The following TESC variants were observed in gnomAD, a reference collection of about 807,000 sequenced individuals.
TESC encodes the protein calcineurin B homologous protein 3.
Under a neutral mutation model 31.0 loss-of-function variants are expected in TESC, and 19 were observed. The ratio of observed to expected loss-of-function variants is 0.61; its 90% CI spans 0.43 to 0.90. The LOEUF (loss-of-function observed/expected upper bound fraction) is 0.90, where lower values mean the gene tolerates loss of function less well. Ranked by LOEUF, TESC falls within the 40% of genes least tolerant of loss-of-function variation. TESC has a pLI of 0.00. For missense variants in TESC, 248 were observed against 303.8 expected (o/e 0.82, Z 1.36); for synonymous variants, 109 against 114.8 (o/e 0.95, Z 0.32).
intron 1 of TESC, among the ~76,000 whole-genome samples, chr12:117,085,438 C>T (rs953215243): frequency 1.3e-5 from 2 of 152,108 alleles, no homozygotes; most frequent in African/African-American, 4.8e-5. Context: ...GGTGGAAGGG[C>T]TCAGGGCAAG....
At chr12:117,040,586 G>A (rs2135742285) in intron 7 of TESC, among the ~76,000 whole-genome samples, 1 of 152,080 alleles carries the variant, frequency 6.6e-6, no homozygotes, top group South Asian at 2.1e-4. Context: ...TGCTCTGGCG[G>A]GCGTCACCTT....
intron 3 of TESC, among the ~76,000 whole-genome samples, chr12:117,049,688 G>A (rs1954619463): frequency 6.6e-6 from 1 of 152,054 alleles, no homozygotes; most frequent in Non-Finnish European, 1.5e-5. Context: ...ATCACCTGAG[G>A]TCAGGAGTTC....
intron 2 of TESC, among the ~76,000 whole-genome samples, chr12:117,057,804 C>T (rs139906045): frequency 1.1e-3 from 173 of 152,184 alleles, no homozygotes; most frequent in African/African-American, 3.9e-3. Flanking sequence ...CTCGCTCTGC[C>T]GCCCAGGCTG....
At chr12:117,094,934 T>G (rs567612016) in intron 1 of TESC, among the ~76,000 whole-genome samples, 54 of 149,152 alleles carry the variant, frequency 3.6e-4, no homozygotes, top group African/African-American at 1.3e-3. Flanking sequence ...GAGAATTGCT[T>G]GAACCCAGGA....
At chr12:117,040,090 C>T (rs1954459844) in intron 7 of TESC, among the ~76,000 whole-genome samples, 1 of 152,236 alleles carries the variant, frequency 6.6e-6, no homozygotes, top group Non-Finnish European at 1.5e-5. Context: ...GGGACAGCCA[C>T]GAGGCTGGTA....
chr12:117,042,213 A>T (rs531693430), intron 6 of TESC, among the ~76,000 whole-genome samples: 3 of 152,234 alleles, frequency 2.0e-5, no homozygotes, highest in Admixed American at 2.0e-4. Context: ...CATGGGCTTG[A>T]GGGTGGGATG....
chr12:117,061,257 C>T (rs866369814), intron 2 of TESC, among the ~76,000 whole-genome samples: 2 of 152,168 alleles, frequency 1.3e-5, no homozygotes, highest in Non-Finnish European at 2.9e-5. Context: ...CACTGCTGGG[C>T]TTGGCAAGGT....
At chr12:117,048,611 C>T (rs1187624920) in intron 4 of TESC, 4 of 425,716 alleles carry the variant, frequency 9.4e-6, no homozygotes, top group Admixed American at 2.5e-5. Flanking sequence ...CTTTAGGGAG[C>T]GCTTCCTGTG....
At chr12:117,092,203 G>A (rs1209911711) in intron 1 of TESC, among the ~76,000 whole-genome samples, 2 of 152,264 alleles carry the variant, frequency 1.3e-5, no homozygotes, top group Admixed American at 1.3e-4. Flanking sequence ...TTTAAGGAGC[G>A]GAACTGGTGG....
chr12:117,053,086 T>C (rs1298619727), intron 3 of TESC, among the ~76,000 whole-genome samples: 1 of 151,750 alleles, frequency 6.6e-6, no homozygotes, highest in African/African-American at 2.4e-5. Context: ...GCGCCTGGAG[T>C]CCCCCTGAGA....
chr12:117,092,884 C>A (rs990673577), intron 1 of TESC, among the ~76,000 whole-genome samples: 14 of 152,366 alleles, frequency 9.2e-5, no homozygotes, highest in African/African-American at 2.9e-4. Flanking sequence ...GAAAACACTT[C>A]ACTGTTCAGA....
intron 1 of TESC, among the ~76,000 whole-genome samples, chr12:117,088,716 T>C (rs1955257774): frequency 1.3e-5 from 2 of 151,346 alleles, no homozygotes; most frequent in South Asian, 2.1e-4. Context: ...CTTACTTCAG[T>C]AGGACACTTA....
chr12:117,086,272 T>G (rs1955218539), intron 1 of TESC, among the ~76,000 whole-genome samples: 1 of 152,160 alleles, frequency 6.6e-6, no homozygotes, highest in African/African-American at 2.4e-5. Flanking sequence ...ACTTTAATTT[T>G]TTTTTTTTTA....
intron 2 of TESC, among the ~76,000 whole-genome samples, chr12:117,064,775 G>C (rs1954850977): frequency 6.6e-6 from 1 of 152,186 alleles, no homozygotes; most frequent in Non-Finnish European, 1.5e-5. Context: ...TTTGAGCAGA[G>C]ACCTGAAGGA....
At position 117,075,350 on chromosome 12, in the gene TESC, G is replaced by A; in HGVS notation, c.59-10C>T. ...ATCTGATCCGATGAGACTGAGAAGT[G>A]GGGGAAAGAGAGAAAAACAAGACAG... On this transcript the variant is annotated splice_polypyrimidine_tract_variant and intron_variant, in intron 1 of 7. Coordinates refer to ENST00000335209, the MANE Select transcript of TESC (RefSeq NM_017899.4). 1 of 1,606,672 alleles carries A rather than the reference G, an allele frequency of 6.2e-7. No homozygotes were observed. The highest frequency in any genetic ancestry group is 1.3e-5 in the African/African-American group (1 of 74,936).
At chr12:117,041,214 T>C (rs59756806) in intron 7 of TESC, among the ~76,000 whole-genome samples, 69,512 of 152,120 alleles carry the variant, frequency 0.46, 18,564 homozygotes, top group African/African-American at 0.75. Flanking sequence ...AAAGTGTCAT[T>C]TTAGGACACA....
chr12:117,043,455 ATTTGT>A (rs58681371), intron 6 of TESC, among the ~76,000 whole-genome samples: 1 of 150,992 alleles, frequency 6.6e-6, no homozygotes, highest in Non-Finnish European at 1.5e-5. Context: ...TTTTGTTTTC[ATTTGT>A]TTTGTTTTGT....
intron 3 of TESC, among the ~76,000 whole-genome samples, chr12:117,049,426 C>A (rs922220881): frequency 6.6e-6 from 1 of 152,194 alleles, no homozygotes; most frequent in Non-Finnish European, 1.5e-5. Context: ...TTGATTCAGG[C>A]GGTGACAGAG....
intron 3 of TESC, among the ~76,000 whole-genome samples, chr12:117,056,286 ACCTCAGGTGATCCACCCACCTTGG>A (rs1449132370): frequency 2.0e-5 from 3 of 151,396 alleles, no homozygotes; most frequent in African/African-American, 7.3e-5. Flanking sequence ...TGAACTCCTG[ACCTCAGGTGATCCACCCACCTTGG>A]CCTCCCAAAG....
Sources: gnomAD v4.1 joint callset for allele counts (sites outside exome capture counted in the v4.1 genomes callset) on GRCh38, gnomAD v4.1.1 for gene constraint, MANE v1.5 for transcripts, NCBI Gene and HGNC (gene_info 2026-07-23, HGNC 2026-07-21) for gene names.